The following FANCL variants were observed in gnomAD, a reference collection of about 807,000 sequenced individuals.
FANCL encodes the protein E3 ubiquitin-protein ligase FANCL.
In FANCL, 69 loss-of-function variants were observed where a neutral mutation model predicts 59.4. The observed-to-expected ratio is 1.16, with a 90% CI of 0.96 to 1.42. The LOEUF is 1.42. FANCL is among the 40% of genes most tolerant of loss of function. The pLI is 0.00. For missense variants in FANCL, 519 were observed against 447.2 expected (o/e 1.16, Z -1.45); for synonymous variants, 180 against 147.1 (o/e 1.22, Z -1.62).
chr2:58,201,098 G>T (rs1689966565), intron 6 of FANCL, among the ~76,000 whole-genome samples: 1 of 149,950 alleles, frequency 6.7e-6, no homozygotes, highest in South Asian at 2.1e-4. Context: ...AATAGCTTCT[G>T]AATTATAATA....
chr2:58,235,721 C>T (rs1255929554), intron 1 of FANCL, among the ~76,000 whole-genome samples: 1 of 151,778 alleles, frequency 6.6e-6, no homozygotes, highest in African/African-American at 2.4e-5. Context: ...GATGATAAAC[C>T]TGATTTAAAA....
At chr2:58,163,179 A>T in intron 9 of FANCL, 105 bp from the exon 10 acceptor site, 1 of 1,029,794 alleles carries the variant, frequency 9.7e-7, no homozygotes, top group South Asian at 1.4e-5. Context: ...AGAAAATCAA[A>T]ATTATATGTA....
intron 8 of FANCL, among the ~76,000 whole-genome samples, chr2:58,165,001 G>C (rs954723226): frequency 1.3e-5 from 2 of 151,924 alleles, no homozygotes; most frequent in Non-Finnish European, 2.9e-5. Flanking sequence ...AAATACCCTT[G>C]AACAACATAT....
At chr2:58,216,401 C>A (rs933993756) in intron 5 of FANCL, among the ~76,000 whole-genome samples, 1 of 152,060 alleles carries the variant, frequency 6.6e-6, no homozygotes, top group South Asian at 2.1e-4. Context: ...CTACATAGCA[C>A]TGAAGTCTGA....
chr2:58,187,859 G>C (rs1185828862), intron 7 of FANCL, among the ~76,000 whole-genome samples: 1 of 152,024 alleles, frequency 6.6e-6, no homozygotes, highest in East Asian at 1.9e-4. Flanking sequence ...TATATGATTT[G>C]CAAACATTTT....
At chr2:58,160,513 C>A (rs560452986) in intron 12 of FANCL, among the ~76,000 whole-genome samples, 2 of 151,980 alleles carry the variant, frequency 1.3e-5, no homozygotes, top group African/African-American at 4.8e-5. Context: ...TCCTGGCATT[C>A]ATAGACTTTC....
chr2:58,232,042 A>G lies in FANCL; in HGVS notation c.155+12T>C. ...TGCAAAAATGCACGTTTATAACTAA[A>G]CACCATATCACCTTGCATTCTTCAG... is the stretch of plus-strand genomic sequence containing the variant. On this transcript the variant is annotated intron_variant, in intron 2 of 13. Transcript: ENST00000233741. 1 of 1,612,218 alleles carries G rather than the reference A, an allele frequency of 6.2e-7. No individual in the cohort carries two copies.
intron 7 of FANCL, among the ~76,000 whole-genome samples, chr2:58,178,970 C>T (rs1573595199): frequency 6.6e-6 from 1 of 152,144 alleles, no homozygotes; most frequent in Admixed American, 6.6e-5. Context: ...TATGAGTGAA[C>T]TCCCATTCAC....
intron 5 of FANCL, chr2:58,213,410 G>A (rs559640853): frequency 6.6e-6 from 1 of 152,234 alleles, no homozygotes; most frequent in Non-Finnish European, 1.5e-5. Context: ...TAAAAATAAA[G>A]TTGATAGGTT....
chr2:58,226,226 T>C (rs1173673774), intron 4 of FANCL, among the ~76,000 whole-genome samples: 1 of 152,128 alleles, frequency 6.6e-6, no homozygotes, highest in African/African-American at 2.4e-5. Context: ...GGTAATAAAA[T>C]GAACTTGGGT....
At chr2:58,237,351 T>C (rs1694114987) in intron 1 of FANCL, among the ~76,000 whole-genome samples, 1 of 152,086 alleles carries the variant, frequency 6.6e-6, no homozygotes, top group African/African-American at 2.4e-5. Context: ...TTGAGAAAGA[T>C]AATCATAATT....
chr2:58,229,000 T>C (rs1693308858), intron 3 of FANCL, among the ~76,000 whole-genome samples: 1 of 152,098 alleles, frequency 6.6e-6, no homozygotes, highest in South Asian at 2.1e-4. Context: ...TTTGAACATA[T>C]CCTTAAAAAA....
intron 1 of FANCL, among the ~76,000 whole-genome samples, chr2:58,234,756 A>C (rs1693862313): frequency 6.6e-6 from 1 of 152,018 alleles, no homozygotes; most frequent in African/African-American, 2.4e-5. Context: ...ATATATAGAA[A>C]ACAGAATATA....
intron 13 of FANCL, 147 bp from the exon 14 acceptor site, chr2:58,159,947 A>G: frequency 2.0e-6 from 3 of 1,525,392 alleles, no homozygotes; most frequent in Non-Finnish European, 2.6e-6. Context: ...AAATCTAGAA[A>G]AGGAGTTTAA....
chr2:58,238,037 T>G (rs1281931907), intron 1 of FANCL, among the ~76,000 whole-genome samples: 1 of 152,216 alleles, frequency 6.6e-6, no homozygotes, highest in East Asian at 1.9e-4. Flanking sequence ...GGCCAATAGC[T>G]ATGTGAATGA....
At chr2:58,219,139 C>T (rs1282725294) in intron 5 of FANCL, among the ~76,000 whole-genome samples, 11 of 8,106 alleles carry the variant, frequency 1.4e-3, no homozygotes, top group African/African-American at 3.9e-3. Context: ...TAAATACATG[C>T]TAAAAAAAAA....
intron 7 of FANCL, among the ~76,000 whole-genome samples, chr2:58,174,468 C>A (rs1435741482): frequency 3.9e-5 from 6 of 152,156 alleles, no homozygotes. Context: ...CAAACTAGAA[C>A]TCAGGATTAA....
At chr2:58,169,660 AAGTT>A (rs1686338484) in intron 7 of FANCL, among the ~76,000 whole-genome samples, 1 of 152,096 alleles carries the variant, frequency 6.6e-6, no homozygotes, top group African/African-American at 2.4e-5. Context: ...CCTTGAAAAA[AAGTT>A]AGAGGAATTG....
intron 7 of FANCL, among the ~76,000 whole-genome samples, chr2:58,171,298 GAAAT>G (rs969452520): frequency 2.6e-4 from 40 of 152,260 alleles, no homozygotes; most frequent in Admixed American, 9.2e-4. Context: ...AATTAAGGCA[GAAAT>G]AAATAAGTTT....
Sources: allele counts gnomAD v4.1 joint callset (sites outside exome capture counted in the v4.1 genomes callset), GRCh38; gene constraint gnomAD v4.1.1; transcripts MANE v1.5; gene names NCBI Gene and HGNC (gene_info 2026-07-23, HGNC 2026-07-21).